IDO2: variants seen among roughly 807,000 people sequenced by gnomAD.
IDO2 encodes indoleamine 2,3-dioxygenase 2, also known as indoleamine 2,3-dioxygenase-like 1 protein.
Under a neutral mutation model 45.1 loss-of-function variants are expected in IDO2, and 46 were observed. That is an observed-to-expected ratio of 1.02 (90% confidence interval 0.80 to 1.30). IDO2 has a LOEUF of 1.30. IDO2 is among the 50% of genes most tolerant of loss of function. IDO2 has a pLI of 0.00. For synonymous variants in IDO2, 218 were observed against 184.9 expected, an observed-to-expected ratio of 1.18 and a Z score of -1.45; for missense variants, 544 against 491.8, an observed-to-expected ratio of 1.11 and a Z score of -1.00.
chr8:39,989,984 G>T, intron 8 of IDO2, 146 bp downstream of exon 8: 1 of 579,856 alleles, frequency 1.7e-6, no homozygotes, highest in Admixed American at 3.3e-5. Flanking sequence ...CTTTGTTTTA[G>T]GTTAAACACA....
chr8:39,943,031 T>C (rs938870301), intron 1 of IDO2, among the ~76,000 whole-genome samples: 27 of 152,038 alleles, frequency 1.8e-4, no homozygotes, highest in African/African-American at 6.3e-4. Flanking sequence ...AACTGCAAAA[T>C]TGGTTAGATA....
intron 2 of IDO2, 93 bp from the exon 3 acceptor site, chr8:39,963,515 T>C: frequency 1.4e-6 from 1 of 704,592 alleles, no homozygotes; most frequent in Non-Finnish European, 2.4e-6. Context: ...TTGACTTGAA[T>C]TCCCCTGAAG....
At chr8:39,996,567 G>C (rs907457867) in intron 8 of IDO2, among the ~76,000 whole-genome samples, 1 of 151,928 alleles carries the variant, frequency 6.6e-6, no homozygotes, top group Admixed American at 6.6e-5. Flanking sequence ...GTGGTCCCCC[G>C]GGCCCAGCCG....
At chr8:39,982,693 C>G (rs1367560944) in exon 5 of IDO2, 1 of 1,611,814 alleles carries the variant, frequency 6.2e-7, no homozygotes. Context: ...TCGAAGTCTC[C>G]AGGAACTTGG....
At chr8:39,958,458 G>A (rs560319879) in intron 2 of IDO2, among the ~76,000 whole-genome samples, 60 of 151,682 alleles carry the variant, frequency 4.0e-4, no homozygotes, top group Admixed American at 3.3e-3. Context: ...GTGCACTGGC[G>A]TGATCTCAGC....
At position 39,982,236 on chromosome 8, in the gene IDO2, G is replaced by GTGTA. The variant is rs1448981283; in HGVS notation, c.316-415_316-414insGTAT. On this transcript the variant is annotated intron_variant, in intron 4 of 10. Transcript: ENST00000502986. ...CTATCATCTCTCTCTATATATGTGT[G>GTGTA]TATATATATATATATATGTATATAT... Among the ~76,000 whole-genome samples the GTGTA allele has an allele frequency of 2.5e-4, 35 of 139,704 alleles. No individual in the cohort carries two copies. The East Asian group carries it at 6.9e-3, about 27-fold the overall frequency. The allele number at this position is 139,704 out of a possible 152,430, so 91.7% of individuals were successfully genotyped here.
intron 8 of IDO2, among the ~76,000 whole-genome samples, chr8:39,990,320 C>T (rs1808481715): frequency 1.3e-5 from 2 of 152,148 alleles, no homozygotes; most frequent in Admixed American, 1.3e-4. Flanking sequence ...GTAGCTAGGG[C>T]AGGCTGATTT....
At chr8:39,939,593 A>G (rs1807613342) in intron 1 of IDO2, among the ~76,000 whole-genome samples, 1 of 151,334 alleles carries the variant, frequency 6.6e-6, no homozygotes. Context: ...AAAGAAAGAA[A>G]AAAGAAAATT....
chr8:40,006,643 A>ATTATTTTATTTTATT (rs138004689), intron 9 of IDO2, among the ~76,000 whole-genome samples: 7,807 of 146,772 alleles, frequency 0.053, 256 homozygotes, highest in Middle Eastern at 0.071. Context: ...GAACTCTACT[A>ATTATTTTATTTTATT]TTATTTTATT....
rs916768650 is a variant in IDO2, at chr8:39,989,681, G to A, written c.550-40G>A. 11 of 1,370,782 alleles carry A rather than the reference G, an allele frequency of 8.0e-6. No homozygotes were observed. The Admixed American group carries it at 1.4e-4, about 18-fold the overall frequency. The allele number at this position is 1,370,782 out of a possible 1,614,324, so 84.9% of individuals were successfully genotyped here. On this transcript the variant is annotated intron_variant, in intron 7 of 10. Transcript: ENST00000502986. Reference sequence around the variant, plus strand: ...CTTACTCTGCCTGCATGGACTTTAAGGGAGTGCTAATAAGTTGTGTACATG... The same window carrying A: ...CTTACTCTGCCTGCATGGACTTTAAAGGAGTGCTAATAAGTTGTGTACATG...
chr8:39,948,555 T>C (rs1342766530), intron 1 of IDO2, among the ~76,000 whole-genome samples: 2 of 152,252 alleles, frequency 1.3e-5, no homozygotes, highest in African/African-American at 2.4e-5. Flanking sequence ...CGCTTACTTA[T>C]AAACTGTCCT....
rs142231458 is a variant in IDO2 at position 40,007,829 on chromosome 8, G to A, written c.719+2451G>A. Among the ~76,000 whole-genome samples the A allele has an allele frequency of 4.8e-3, 737 of 152,242 alleles. 8 individuals carry two copies. Among genetic ancestry groups the A allele is most frequent in the African/African-American group, 0.016 (663 of 41,536 alleles). On this transcript the variant is annotated intron_variant, in intron 9 of 10. Transcript: ENST00000502986. ...TTTCCATTTAGGGTCGCAAAAGGCCGAAGTCAATTTATCTATTGGGCTGGG... is the reference window on the plus strand; with the variant it reads ...TTTCCATTTAGGGTCGCAAAAGGCCAAAGTCAATTTATCTATTGGGCTGGG...
intron 1 of IDO2, among the ~76,000 whole-genome samples, chr8:39,941,221 C>CAAAAAAAAAAAAAAAAAA: frequency 1.2e-5 from 1 of 80,586 alleles, no homozygotes; most frequent in Non-Finnish European, 2.1e-5. Flanking sequence ...GACTCCATCT[C>CAAAAAAAAAAAAAAAAAA]AAAAAAAAAA....
chr8:39,989,738 G>C, exon 8 of IDO2: 2 of 1,594,782 alleles, frequency 1.3e-6, no homozygotes, highest in Non-Finnish European at 1.7e-6. Context: ...TTCAGGCCAC[G>C]AATGCTATCT....
chr8:39,941,775 C>G (rs892923033), intron 1 of IDO2, among the ~76,000 whole-genome samples: 1 of 151,656 alleles, frequency 6.6e-6, no homozygotes, highest in Non-Finnish European at 1.5e-5. Flanking sequence ...GAAAGAAAAC[C>G]AGAAATGCAT....
chr8:39,967,119 A>C (rs1442518040), intron 3 of IDO2, among the ~76,000 whole-genome samples: 1 of 152,218 alleles, frequency 6.6e-6, no homozygotes, highest in African/African-American at 2.4e-5. Context: ...TTCCTTGATA[A>C]ATTTCATAAA....
intron 8 of IDO2, among the ~76,000 whole-genome samples, chr8:40,004,561 A>AGAC (rs1158685114): frequency 3.8e-4 from 58 of 151,690 alleles, no homozygotes; most frequent in African/African-American, 1.4e-3. Flanking sequence ...ATAGATAGAT[A>AGAC]GATAGACGAT....
chr8:39,957,042 C>CAA (rs56064306), intron 2 of IDO2, among the ~76,000 whole-genome samples: 862 of 29,006 alleles, frequency 0.03, 44 homozygotes, highest in African/African-American at 0.051. Context: ...GACTCCATCT[C>CAA]AAAAAAAAAA....
intron 4 of IDO2, 113 bp from the exon 5 acceptor site, chr8:39,982,539 G>C (rs1040143209): frequency 1.6e-5 from 11 of 674,132 alleles, no homozygotes; most frequent in Non-Finnish European, 2.7e-5. Flanking sequence ...TTCAAGCTTG[G>C]TTCCCAGATC....
Sources: allele counts gnomAD v4.1 joint callset (sites outside exome capture counted in the v4.1 genomes callset), GRCh38; gene constraint gnomAD v4.1.1; transcripts MANE v1.5; gene names NCBI Gene and HGNC (gene_info 2026-07-23, HGNC 2026-07-21).